ARHGAP21: variants seen among roughly 807,000 people sequenced by gnomAD.
ARHGAP21 encodes rho GTPase-activating protein 21.
ARHGAP21 carries 38 observed loss-of-function variants against 164.6 expected under a neutral mutation model. That is an observed-to-expected ratio of 0.23 (90% confidence interval 0.18 to 0.30). The LOEUF is 0.30. Among genes scored for constraint, ARHGAP21 ranks in the 10% least tolerant of loss-of-function variants. ARHGAP21 has a pLI of 1.00. For synonymous variants in ARHGAP21, 766 were observed against 857.9 expected (o/e 0.89, Z 1.87); for missense variants, 1,822 against 2,370.7 (o/e 0.77, Z 4.81).
Position 24,597,483 on chromosome 10 carries a change from G to C in ARHGAP21, c.3298C>G (p.Pro1100Ala). 1 of 1,613,910 alleles carries C rather than the reference G, an allele frequency of 6.2e-7. No individual in the cohort carries two copies. Among genetic ancestry groups the C allele is most frequent in the Non-Finnish European group, 8.5e-7 (1 of 1,179,902 alleles). Residue 1100 changes from proline to alanine, a missense_variant, in exon 16 of 26, where the codon CCG becomes GCG. Pro to Ala is a conservative substitution (Grantham distance 27). Transcript: ENST00000396432. ...SEPKTQSPHS[P>A]KEESERKLLS... ...AGTTTCCTTTCCGACTCTTCCTTCGGAGAGTGTGGGCTTTGAGTCTTTGGC... is the reference window on the plus strand; with the variant it reads ...AGTTTCCTTTCCGACTCTTCCTTCGCAGAGTGTGGGCTTTGAGTCTTTGGC...
intron 2 of ARHGAP21, among the ~76,000 whole-genome samples, chr10:24,687,667 C>T (rs1414592237): frequency 6.6e-6 from 1 of 152,128 alleles, no homozygotes; most frequent in East Asian, 1.9e-4. Context: ...GAACAGATTG[C>T]ATTTCTGTGG....
At chr10:24,638,388 A>G (rs1836607673) in intron 4 of ARHGAP21, among the ~76,000 whole-genome samples, 1 of 152,218 alleles carries the variant, frequency 6.6e-6, no homozygotes, top group Non-Finnish European at 1.5e-5. Context: ...TTTTTAAGAT[A>G]TGTGCTCCGC....
At chr10:24,592,625 A>AAAT (rs1254625211) in intron 21 of ARHGAP21, among the ~76,000 whole-genome samples, 1 of 152,052 alleles carries the variant, frequency 6.6e-6, no homozygotes, top group East Asian at 1.9e-4. Flanking sequence ...TCTCTACTAA[A>AAAT]AATAAATTAG....
chr10:24,602,206 G>T, intron 12 of ARHGAP21, 103 bp from the exon 13 acceptor site: 1 of 1,333,416 alleles, frequency 7.5e-7, no homozygotes, highest in Middle Eastern at 2.2e-4. Context: ...TGTTTCAAGT[G>T]AAGGGCTATT....
At chr10:24,693,169 G>A (rs562570133) in intron 2 of ARHGAP21, among the ~76,000 whole-genome samples, 7 of 152,304 alleles carry the variant, frequency 4.6e-5, no homozygotes, top group African/African-American at 9.6e-5. Flanking sequence ...CGACACAGGC[G>A]TGTTCACTTT....
chr10:24,590,145 G>T, intron 24 of ARHGAP21: 1 of 1,345,586 alleles, frequency 7.4e-7, no homozygotes, highest in Non-Finnish European at 9.6e-7. Context: ...TGAGCCCCAT[G>T]CCACGCCCCT....
Position 24,607,919 on chromosome 10 carries a change from A to G in ARHGAP21, c.2423-16T>C, listed in dbSNP as rs1463452016. The G allele has an allele frequency of 6.3e-7, 1 of 1,580,462 alleles. No homozygotes were observed. Among genetic ancestry groups the G allele is most frequent in the Admixed American group, 1.9e-5 (1 of 53,282 alleles). Reference sequence around the variant, plus strand: ...GTTGGTTCATCTGTAAGAAAAAAGGAAAATCAGAATGTTCAATGACCTAAT... The same window carrying G: ...GTTGGTTCATCTGTAAGAAAAAAGGGAAATCAGAATGTTCAATGACCTAAT... On this transcript the variant is annotated splice_polypyrimidine_tract_variant and intron_variant, in intron 9 of 25. Transcript: ENST00000396432.
intron 2 of ARHGAP21, among the ~76,000 whole-genome samples, chr10:24,686,253 G>A (rs1261513755): frequency 6.6e-6 from 1 of 151,896 alleles, no homozygotes; most frequent in African/African-American, 2.4e-5. Flanking sequence ...ACATGATGAG[G>A]CCCTGTCTCT....
chr10:24,585,676 T>C lies in ARHGAP21; in HGVS notation c.4613A>G (p.His1538Arg). 1 of 1,614,080 alleles carries C rather than the reference T, an allele frequency of 6.2e-7. No homozygotes were observed. Among genetic ancestry groups the C allele is most frequent in the Non-Finnish European group, 8.5e-7 (1 of 1,179,994 alleles). The change falls in exon 26 of 26, where the codon CAC (histidine) becomes CGC (arginine). Residue 1538 changes from histidine to arginine, a missense_variant. Physicochemically the swap from His to Arg is conservative, Grantham distance 29 (BLOSUM62 0). Coordinates refer to ENST00000396432, the MANE Select transcript of ARHGAP21 (RefSeq NM_020824.4). ...AGAGTCAGAGCCTGTCTCTTCAAGG[T>C]GGGAGGACTTCTGTGCCAGAAGTGA... ...PRSLLAQKSS[H>R]LEETGSDSGT...
intron 2 of ARHGAP21, among the ~76,000 whole-genome samples, chr10:24,682,129 A>T (rs979545976): frequency 6.6e-6 from 1 of 152,096 alleles, no homozygotes; most frequent in Non-Finnish European, 1.5e-5. Flanking sequence ...AAAAAAAAAC[A>T]TAGGGGTCAC....
intron 2 of ARHGAP21, among the ~76,000 whole-genome samples, chr10:24,673,767 C>A (rs1370791239): frequency 1.3e-5 from 2 of 152,068 alleles, no homozygotes; most frequent in Non-Finnish European, 2.9e-5. Context: ...GAGGCTAAGG[C>A]AGAAGAATTG....
rs751342240 is a variant in ARHGAP21 at position 24,666,936 on chromosome 10, A to T, written c.268+49T>A. The T allele has an allele frequency of 2.2e-5, 29 of 1,336,492 alleles. No homozygotes were observed. The South Asian group carries it at 3.7e-4, about 17-fold the overall frequency. 82.8% of individuals were successfully genotyped at this position (1,336,492 alleles called of 1,614,324 possible). ...TTAGTATCACTTAAAGAACAGAAAG[A>T]AATGGGTAGAAAAACATTCAGAGAT... On this transcript the variant is annotated intron_variant, in intron 4 of 25. Coordinates refer to ENST00000396432, the MANE Select transcript of ARHGAP21 (RefSeq NM_020824.4).
chr10:24,591,932 G>C lies in ARHGAP21; in HGVS notation c.3957C>G (p.Thr1319=), dbSNP rs373696545. 29 of 1,613,476 alleles carry C rather than the reference G, an allele frequency of 1.8e-5. No individual in the cohort carries two copies. The highest frequency in any genetic ancestry group is 1.4e-5 in the Non-Finnish European group (17 of 1,179,918). ...CAATCTTGTACTGGTCAGGCATGTGGGTGACCATGTGGGTCATGTTGTCTT... is the reference window on the plus strand; with the variant it reads ...CAATCTTGTACTGGTCAGGCATGTGCGTGACCATGTGGGTCATGTTGTCTT... ...TSEDNMTHMV[T]HMPDQYKIVE... Residue 1319 remains threonine, a synonymous_variant, in exon 22 of 26, where the codon ACC becomes ACG. Coordinates refer to ENST00000396432, the MANE Select transcript of ARHGAP21 (RefSeq NM_020824.4).
chr10:24,596,110 T>TA, intron 17 of ARHGAP21, 67 bp from the exon 18 acceptor site: 3 of 1,336,522 alleles, frequency 2.2e-6, no homozygotes, highest in Non-Finnish European at 3.0e-6. Context: ...ATATCACAGC[T>TA]AAAATGCCCC....
At chr10:24,666,933 A>C (rs1840252229) in intron 4 of ARHGAP21, 52 bp downstream of exon 4, 3 of 1,318,150 alleles carry the variant, frequency 2.3e-6, no homozygotes, top group Admixed American at 2.4e-5. Flanking sequence ...AAAGAACAGA[A>C]AGAAATGGGT....
intron 4 of ARHGAP21, among the ~76,000 whole-genome samples, chr10:24,642,276 G>C (rs1837118292): frequency 6.6e-6 from 1 of 152,008 alleles, no homozygotes; most frequent in Non-Finnish European, 1.5e-5. Context: ...AGCACTTTGG[G>C]AGGCCGAGGC....
At chr10:24,701,113 T>C (rs976104583) in intron 2 of ARHGAP21, among the ~76,000 whole-genome samples, 1 of 151,984 alleles carries the variant, frequency 6.6e-6, no homozygotes, top group Non-Finnish European at 1.5e-5. Context: ...TAGGACACAA[T>C]TTAACAAAAC....
chr10:24,703,105 C>A (rs1038710604), intron 2 of ARHGAP21, among the ~76,000 whole-genome samples: 1 of 151,906 alleles, frequency 6.6e-6, no homozygotes, highest in Non-Finnish European at 1.5e-5. Flanking sequence ...AATATTCCAA[C>A]TTGTAAAACC....
At chr10:24,636,741 A>C (rs1172417481) in intron 4 of ARHGAP21, among the ~76,000 whole-genome samples, 1 of 152,238 alleles carries the variant, frequency 6.6e-6, no homozygotes, top group Non-Finnish European at 1.5e-5. Flanking sequence ...GCTAGATTTC[A>C]AAGGCAATGG....
Sources: gnomAD v4.1 joint callset for allele counts (sites outside exome capture counted in the v4.1 genomes callset) on GRCh38, gnomAD v4.1.1 for gene constraint, MANE v1.5 for transcripts, NCBI Gene and HGNC (gene_info 2026-07-23, HGNC 2026-07-21) for gene names.